TSPAN7: variants seen among roughly 807,000 people sequenced by gnomAD.
The protein encoded by TSPAN7 is tetraspanin 7.
Under a neutral mutation model 17.6 loss-of-function variants are expected in TSPAN7, and 1 was observed. The observed-to-expected ratio is 0.06, with a 90% CI of 0.02 to 0.27. TSPAN7 has a LOEUF of 0.27. Among genes scored for constraint, TSPAN7 ranks in the 10% least tolerant of loss-of-function variants. The pLI is 1.00. For missense variants in TSPAN7, 112 were observed against 201.7 expected, an observed-to-expected ratio of 0.56 and a Z score of 2.69; for synonymous variants, 78 against 79.0, an observed-to-expected ratio of 0.99 and a Z score of 0.07.
intron 1 of TSPAN7, among the ~76,000 whole-genome samples, chrX:38,655,620 T>A (rs868729208): frequency 4.9e-4 from 55 of 111,264 alleles, no homozygotes; most frequent in African/African-American, 1.7e-3. Flanking sequence ...TTTTTCCACA[T>A]TTAATAGTAG....
Position 38,688,437 on chromosome X carries a change from G to C in TSPAN7, c.*506G>C, listed in dbSNP as rs1391899299. ...TTGGTTTGATTTTCCCTCTACTAAG[G>C]CTTTCCTACCTTCTTCAGGCTGCCT... On this transcript the variant is annotated 3_prime_UTR_variant, in exon 8 of 8. Transcript: ENST00000378482. 8.8e-6 allele frequency: 1 copy of C among 113,097 alleles called. No individual in the cohort carries two copies. The highest frequency in any genetic ancestry group is 1.9e-5 in the Non-Finnish European group (1 of 53,335). 9.3% of individuals were successfully genotyped at this position (113,097 alleles called of 1,213,427 possible).
At position 38,562,129 on chromosome X, in the gene TSPAN7, C is replaced by T. The variant is rs769142579; in HGVS notation, c.81+502C>T. Among the ~76,000 whole-genome samples, 152 of 111,577 alleles carry T rather than the reference C, an allele frequency of 1.4e-3. 2 individuals carry two copies. In the Admixed American group the frequency reaches 0.014, roughly 10 times the overall value. On this transcript the variant is annotated intron_variant, in intron 1 of 7. Coordinates refer to ENST00000378482, the MANE Select transcript of TSPAN7 (RefSeq NM_004615.4). ...ACCCCACGGGGCTGCGGGAGGGAGG[C>T]ACCAGAAGCACCGTGCCTGCCTGGC...
intron 1 of TSPAN7, among the ~76,000 whole-genome samples, chrX:38,615,166 G>C (rs971209216): frequency 1.8e-5 from 2 of 111,162 alleles, no homozygotes; most frequent in Non-Finnish European, 3.8e-5. Context: ...TTCCCCTCGA[G>C]TGTTGAGGGG....
chrX:38,646,350 ATTAATG>A (rs2069645986), intron 1 of TSPAN7: 2 of 1,114,773 alleles, frequency 1.8e-6, no homozygotes, highest in Non-Finnish European at 2.4e-6. Context: ...TCCTACAAAT[ATTAATG>A]TGTGTAGCTG....
intron 1 of TSPAN7, among the ~76,000 whole-genome samples, chrX:38,633,534 G>T (rs749545452): frequency 8.9e-6 from 1 of 112,513 alleles, no homozygotes; most frequent in East Asian, 2.8e-4. Context: ...TAGTAATATA[G>T]CTACTTCTCC....
chrX:38,572,010 A>AT (rs34004323), intron 1 of TSPAN7, among the ~76,000 whole-genome samples: 8,185 of 110,064 alleles, frequency 0.074, 628 homozygotes, highest in African/African-American at 0.23. Flanking sequence ...GGGGGAATCT[A>AT]TTTTTTTTCA....
intron 1 of TSPAN7, among the ~76,000 whole-genome samples, chrX:38,572,914 G>C (rs1460729382): frequency 4.5e-5 from 5 of 111,327 alleles, no homozygotes; most frequent in South Asian, 3.8e-4. Flanking sequence ...CTATTGCAGA[G>C]GATTTAAAAT....
At chrX:38,628,336 G>A (rs12558271) in intron 1 of TSPAN7, among the ~76,000 whole-genome samples, 40,319 of 109,027 alleles carry the variant, frequency 0.37, 5,573 homozygotes, top group East Asian at 0.69. Flanking sequence ...TGGCAAATAT[G>A]TTTTTTTTTG....
chrX:38,642,164 G>A (rs1193401402), intron 1 of TSPAN7, among the ~76,000 whole-genome samples: 1 of 111,882 alleles, frequency 8.9e-6, no homozygotes, highest in African/African-American at 3.3e-5. Flanking sequence ...AGAGATTAAA[G>A]GGAGCACACC....
intron 1 of TSPAN7, among the ~76,000 whole-genome samples, chrX:38,605,269 GACAA>G (rs1225015266): frequency 3.6e-5 from 4 of 110,501 alleles, no homozygotes; most frequent in African/African-American, 9.9e-5. Flanking sequence ...ACCGATAACA[GACAA>G]ACAGAGAGCC....
At chrX:38,588,197 G>A (rs926297605) in intron 1 of TSPAN7, among the ~76,000 whole-genome samples, 2 of 110,945 alleles carry the variant, frequency 1.8e-5, no homozygotes, top group Non-Finnish European at 3.8e-5. Flanking sequence ...TTGCTAATGC[G>A]TCTCTAGGAG....
chrX:38,596,437 A>T (rs752231735), intron 1 of TSPAN7, among the ~76,000 whole-genome samples: 20 of 112,054 alleles, frequency 1.8e-4, no homozygotes, highest in Non-Finnish European at 2.4e-4. Context: ...ACTGCTTTAT[A>T]TGTGGAACTG....
chrX:38,652,181 TTTC>T (rs1477931420), intron 1 of TSPAN7, among the ~76,000 whole-genome samples: 1 of 111,715 alleles, frequency 9.0e-6, no homozygotes, highest in African/African-American at 3.3e-5. Context: ...GGGAAAATGG[TTTC>T]CCCAATTCCT....
At chrX:38,645,629 A>T (rs1428564024) in intron 1 of TSPAN7, among the ~76,000 whole-genome samples, 1 of 112,043 alleles carries the variant, frequency 8.9e-6, no homozygotes, top group African/African-American at 3.2e-5. Context: ...GCAGAAAGTA[A>T]GGAGATGACT....
intron 3 of TSPAN7, among the ~76,000 whole-genome samples, chrX:38,673,897 A>G (rs1247718971): frequency 2.7e-5 from 3 of 111,201 alleles, no homozygotes; most frequent in African/African-American, 9.8e-5. Flanking sequence ...TTCAAAGAAA[A>G]TAAGTAGAAA....
In TSPAN7 at chrX:38,627,359, G is replaced by A. The variant is rs182045538; in HGVS notation, c.82-38762G>A. The stretch of plus-strand genomic sequence containing the variant: ...CTGATGGATTGGCAGTGGGCACTCC[G>A]AGCCTCCTCAGAGGAAACTGATCCA... On this transcript the variant is annotated intron_variant, in intron 1 of 7. Coordinates refer to ENST00000378482, the MANE Select transcript of TSPAN7 (RefSeq NM_004615.4). 1.9e-4 allele frequency among the ~76,000 whole-genome samples: 21 copies of A among 111,816 alleles called. No individual in the cohort carries two copies. In the East Asian group the frequency reaches 4.2e-3, roughly 22 times the overall value.
In TSPAN7 at chrX:38,611,506, G is replaced by A. The variant is rs142138680; in HGVS notation, c.81+49879G>A. ...AATCCCCACTAGTTGAGGTGCATTAGGGCATTTCTCATGGCTGTATATGAA... is the reference window on the plus strand; with the variant it reads ...AATCCCCACTAGTTGAGGTGCATTAAGGCATTTCTCATGGCTGTATATGAA... On this transcript the variant is annotated intron_variant, in intron 1 of 7. Transcript: ENST00000378482. Among the ~76,000 whole-genome samples the A allele has an allele frequency of 5.8e-3, 653 of 111,901 alleles. 7 individuals are homozygous for A. Among genetic ancestry groups the A allele is most frequent in the African/African-American group, 0.02 (628 of 30,789 alleles).
rs757831416 is a variant in TSPAN7, at chrX:38,666,405, C to T, written c.270+96C>T. The T allele has an allele frequency of 9.1e-5, 84 of 922,886 alleles. No individual in the cohort carries two copies. The East Asian group carries it at 2.5e-3, about 28-fold the overall frequency. The allele number at this position is 922,886 out of a possible 1,213,427, so 76.1% of individuals were successfully genotyped here. ...AAGTGGTTCGTCTTGAGGTCACAGA[C>T]AAGACCTTAACAATTTCAGTCCAGA... On this transcript the variant is annotated intron_variant, in intron 2 of 7. Transcript: ENST00000378482.
intron 1 of TSPAN7, among the ~76,000 whole-genome samples, chrX:38,665,338 G>A (rs1224746488): frequency 8.9e-6 from 1 of 111,738 alleles, no homozygotes; most frequent in Non-Finnish European, 1.9e-5. Context: ...GATGGTTAGA[G>A]ACATAAAGCA....
Sources: gnomAD v4.1 joint callset for allele counts (sites outside exome capture counted in the v4.1 genomes callset) on GRCh38, gnomAD v4.1.1 for gene constraint, MANE v1.5 for transcripts, NCBI Gene and HGNC (gene_info 2026-07-23, HGNC 2026-07-21) for gene names.